SLC4A7: variants seen among roughly 807,000 people sequenced by gnomAD.
SLC4A7 encodes sodium bicarbonate cotransporter 3.
A neutral mutation model predicts 137.6 loss-of-function variants in SLC4A7; 51 were observed. That is an observed-to-expected ratio of 0.37 (90% confidence interval 0.30 to 0.47). SLC4A7 has a LOEUF of 0.47. Among genes scored for constraint, SLC4A7 ranks in the 20% least tolerant of loss-of-function variants. The probability of loss-of-function intolerance (pLI) is 1.00; values close to 1 mark genes in which losing one functional copy is unlikely to be tolerated. For missense variants in SLC4A7, 1,247 were observed against 1,525.4 expected (o/e 0.82, Z 3.04); for synonymous variants, 542 against 518.6 (o/e 1.05, Z -0.61).
intron 8 of SLC4A7, among the ~76,000 whole-genome samples, chr3:27,421,997 T>A (rs1470850577): frequency 6.6e-6 from 1 of 152,226 alleles, no homozygotes; most frequent in South Asian, 2.1e-4. Context: ...CTGTTTTAAC[T>A]GTCACAATCT....
intron 11 of SLC4A7, among the ~76,000 whole-genome samples, chr3:27,415,201 G>A (rs2054267112): frequency 6.6e-6 from 1 of 152,154 alleles, no homozygotes; most frequent in South Asian, 2.1e-4. Context: ...GGTTTTGGGT[G>A]GCCAGATGCA....
intron 3 of SLC4A7, among the ~76,000 whole-genome samples, chr3:27,442,734 G>C (rs9818629): frequency 6.6e-6 from 1 of 152,106 alleles, no homozygotes; most frequent in African/African-American, 2.4e-5. Context: ...TTAGGCACGC[G>C]GACACTTTGA....
intron 11 of SLC4A7, among the ~76,000 whole-genome samples, chr3:27,414,383 CT>C (rs1026336671): frequency 3.9e-5 from 6 of 152,110 alleles, no homozygotes; most frequent in African/African-American, 1.4e-4. Context: ...GAAACTCAAT[CT>C]AATAAGCCTA....
intron 25 of SLC4A7, among the ~76,000 whole-genome samples, chr3:27,377,350 T>C (rs1025920380): frequency 3.9e-4 from 59 of 152,218 alleles, no homozygotes; most frequent in African/African-American, 1.4e-3. Context: ...TTTGTATTTA[T>C]GAATATGTAT....
chr3:27,456,650 C>T (rs773878328), intron 1 of SLC4A7: 6 of 1,579,498 alleles, frequency 3.8e-6, no homozygotes, highest in East Asian at 2.2e-5. Flanking sequence ...TAGGTACATA[C>T]AGGTAACTTC....
intron 8 of SLC4A7, chr3:27,422,936 T>C (rs2055148830): frequency 2.6e-6 from 1 of 391,930 alleles, no homozygotes; most frequent in Admixed American, 3.2e-5. Context: ...GCAACTGCCA[T>C]GCCTAGAGGA....
intron 8 of SLC4A7, 125 bp from the exon 9 acceptor site, chr3:27,421,904 G>T: frequency 1.5e-6 from 1 of 674,878 alleles, no homozygotes; most frequent in Non-Finnish European, 2.4e-6. Flanking sequence ...TCTAATGAAT[G>T]TTTAAAATGT....
At chr3:27,463,581 G>A (rs567515715) in intron 1 of SLC4A7, among the ~76,000 whole-genome samples, 8 of 152,160 alleles carry the variant, frequency 5.3e-5, no homozygotes, top group African/African-American at 1.9e-4. Flanking sequence ...GGTGGCTAAT[G>A]TATGTAATCC....
chr3:27,418,671 G>A, intron 10 of SLC4A7, 39 bp from the exon 11 acceptor site: 1 of 1,345,750 alleles, frequency 7.4e-7, no homozygotes, highest in Non-Finnish European at 1.0e-6. Context: ...TTTTAAAGTT[G>A]AAAAAAATTT....
At chr3:27,465,846 C>T (rs1023922982) in intron 1 of SLC4A7, among the ~76,000 whole-genome samples, 2 of 150,506 alleles carry the variant, frequency 1.3e-5, no homozygotes, top group East Asian at 4.0e-4. Context: ...CCCAGCTACT[C>T]GGGAGGCTGA....
chr3:27,467,426 TTCAG>T (rs1250176304), intron 1 of SLC4A7, among the ~76,000 whole-genome samples: 2 of 152,208 alleles, frequency 1.3e-5, no homozygotes, highest in Non-Finnish European at 2.9e-5. Flanking sequence ...TTACTAGCAA[TTCAG>T]TAACAGCTAA....
At chr3:27,429,724 G>A (rs953325960) in intron 7 of SLC4A7, among the ~76,000 whole-genome samples, 10 of 151,652 alleles carry the variant, frequency 6.6e-5, no homozygotes, top group Admixed American at 1.3e-4. Context: ...AGTGGCACGC[G>A]CCGTAATCCC....
intron 24 of SLC4A7, among the ~76,000 whole-genome samples, chr3:27,380,519 T>C (rs2050319191): frequency 6.6e-6 from 1 of 152,112 alleles, no homozygotes; most frequent in African/African-American, 2.4e-5. Flanking sequence ...TCCTTTTTCT[T>C]GGATTAAAAA....
intron 1 of SLC4A7, among the ~76,000 whole-genome samples, chr3:27,474,437 G>T (rs1385240167): frequency 6.6e-6 from 1 of 152,152 alleles, no homozygotes; most frequent in African/African-American, 2.4e-5. Context: ...TTGTCAAAAT[G>T]GTTAAATCAT....
At chr3:27,384,698 C>T (rs2050759134) in intron 23 of SLC4A7, among the ~76,000 whole-genome samples, 2 of 152,104 alleles carry the variant, frequency 1.3e-5, no homozygotes, top group African/African-American at 2.4e-5. Context: ...CACAGTGGCT[C>T]ACGTCTATAA....
intron 21 of SLC4A7, among the ~76,000 whole-genome samples, chr3:27,391,005 T>A (rs2150079967): frequency 6.6e-6 from 1 of 152,250 alleles, no homozygotes; most frequent in South Asian, 2.1e-4. Context: ...AAAGGTTTTG[T>A]AGAGGCAGGA....
In SLC4A7 at chr3:27,484,301, C is replaced by T. The variant is rs1320841720; in HGVS notation, c.-175G>A. The T allele has an allele frequency of 5.1e-6, 2 of 394,908 alleles. No homozygotes were observed. Among genetic ancestry groups the T allele is most frequent in the Non-Finnish European group, 8.5e-6 (2 of 235,608 alleles). The allele number at this position is 394,908 out of a possible 1,614,324, so 24.5% of individuals were successfully genotyped here. A position where few individuals can be genotyped will look rare whatever the true frequency, so the allele number is the denominator to read the frequency against. On this transcript the variant is annotated 5_prime_UTR_variant, in exon 1 of 26. Coordinates refer to ENST00000454389, the MANE Select transcript of SLC4A7 (RefSeq NM_001321103.2). ...AGCCGGGCGCCGGGCGCGGGAGACG[C>T]GGGGCGTGCGTGTGCGCGCTGCGAC... is the stretch of plus-strand genomic sequence containing the variant.
intron 1 of SLC4A7, among the ~76,000 whole-genome samples, chr3:27,459,131 G>A (rs1161156606): frequency 1.3e-5 from 2 of 152,112 alleles, no homozygotes; most frequent in Non-Finnish European, 2.9e-5. Flanking sequence ...CTCCCCCACT[G>A]GATTATAAAA....
chr3:27,383,374 C>T (rs1024267516), intron 23 of SLC4A7, 124 bp from the exon 24 acceptor site: 1 of 696,118 alleles, frequency 1.4e-6, no homozygotes, highest in Non-Finnish European at 2.5e-6. Context: ...ACTGCCATTA[C>T]TGAAAAATTT....
Sources: gnomAD v4.1 joint callset for allele counts (sites outside exome capture counted in the v4.1 genomes callset) on GRCh38, gnomAD v4.1.1 for gene constraint, MANE v1.5 for transcripts, NCBI Gene and HGNC (gene_info 2026-07-23, HGNC 2026-07-21) for gene names.